WDR75: variants seen among roughly 807,000 people sequenced by gnomAD.
WDR75 encodes WD repeat-containing protein 75.
Under a neutral mutation model 106.1 loss-of-function variants are expected in WDR75, and 52 were observed. The observed-to-expected ratio is 0.49, with a 90% CI of 0.39 to 0.62. The LOEUF is 0.62. Among genes scored for constraint, WDR75 ranks in the 20% least tolerant of loss-of-function variants. The pLI is 0.00. For missense variants in WDR75, 905 were observed against 970.3 expected (o/e 0.93, Z 0.89); for synonymous variants, 333 against 335.5 (o/e 0.99, Z 0.08).
intron 8 of WDR75, among the ~76,000 whole-genome samples, chr2:189,460,171 A>G (rs1686846993): frequency 6.6e-6 from 1 of 152,312 alleles, no homozygotes; most frequent in Admixed American, 6.5e-5. Context: ...TCTTTAAGAA[A>G]GTTACTACAT....
intron 9 of WDR75, among the ~76,000 whole-genome samples, chr2:189,463,284 A>T (rs1021531469): frequency 6.6e-6 from 1 of 152,034 alleles, no homozygotes; most frequent in South Asian, 2.1e-4. Flanking sequence ...AAACTTAAAG[A>T]CTCCAACAGA....
intron 1 of WDR75, among the ~76,000 whole-genome samples, chr2:189,444,151 A>T (rs1686445518): frequency 6.6e-6 from 1 of 152,140 alleles, no homozygotes; most frequent in African/African-American, 2.4e-5. Flanking sequence ...TATCTAACAA[A>T]TGACAGGATT....
chr2:189,469,375 T>G lies in WDR75; in HGVS notation c.1755T>G (p.Val585=). 6.2e-7 allele frequency: 1 copy of G among 1,613,584 alleles called. No individual in the cohort carries two copies. The highest frequency in any genetic ancestry group is 1.1e-5 in the South Asian group (1 of 91,064). ...LEWNAKLNVR[V]MEPDPNSENI... is the part of the protein sequence containing the mutation. ...GGAATGCAAAATTAAATGTTAGAGTTATGGAACCCGATCCTAATTCAGAGA... is the reference window on the plus strand; with the variant it reads ...GGAATGCAAAATTAAATGTTAGAGTGATGGAACCCGATCCTAATTCAGAGA... Residue 585 remains valine, a synonymous_variant, in exon 16 of 21, where the codon GTT becomes GTG. Transcript: ENST00000314761.
intron 1 of WDR75, among the ~76,000 whole-genome samples, chr2:189,446,675 A>G (rs1368208307): frequency 2.0e-5 from 3 of 152,234 alleles, no homozygotes; most frequent in Non-Finnish European, 2.9e-5. Flanking sequence ...CCTTGTCCAC[A>G]GAGGATATGT....
In WDR75 at chr2:189,458,857, G is replaced by A; in HGVS notation, c.674G>A (p.Gly225Asp). 2 of 1,600,636 alleles carry A rather than the reference G, an allele frequency of 1.2e-6. No individual in the cohort carries two copies. The highest frequency in any genetic ancestry group is 1.1e-5 in the South Asian group (1 of 87,826). ...TGCATCGCATCTGGTCACATGGATG[G>A]CAAAATTCGTCTTTGGTCAGTTTGC... The part of the protein sequence containing the change: ...EDCIASGHMD[G>D]KIRLWRNFYD... The change falls in exon 7 of 21, where the codon GGC becomes GAC. Residue 225 changes from glycine to aspartate, a missense_variant. Gly to Asp is a moderately conservative substitution (Grantham distance 94). Transcript: ENST00000314761.
At chr2:189,456,570 C>T (rs1214776677) in intron 5 of WDR75, among the ~76,000 whole-genome samples, 3 of 151,718 alleles carry the variant, frequency 2.0e-5, no homozygotes, top group East Asian at 1.9e-4. Context: ...ATTCTACAAC[C>T]GGCAGAGAAA....
In WDR75 at chr2:189,448,389, T is replaced by G. The variant is rs1315862238; in HGVS notation, c.97T>G (p.Cys33Gly). Residue 33 changes from cysteine (C) to glycine (G), a missense_variant, in exon 2 of 21, where the codon TGT (cysteine) becomes GGT (glycine). Coordinates refer to ENST00000314761, the MANE Select transcript of WDR75 (RefSeq NM_032168.3). Reference protein sequence around the residue: ...VFSADSKYIFCVSGDFVKVYS... With the variant: ...VFSADSKYIFGVSGDFVKVYS... ...TTCTTTTTTTTCCAGGTATATCTTC[T>G]GTGTCTCTGGAGACTTTGTTAAAGT... 1 of 1,613,230 alleles carries G rather than the reference T, an allele frequency of 6.2e-7. No individual in the cohort carries two copies. Among genetic ancestry groups the G allele is most frequent in the Admixed American group, 1.7e-5 (1 of 59,922 alleles).
At chr2:189,471,994 G>A (rs114728125) in intron 18 of WDR75, among the ~76,000 whole-genome samples, 2,967 of 152,120 alleles carry the variant, frequency 0.02, 97 homozygotes, top group African/African-American at 0.068. Flanking sequence ...TACCATTCTT[G>A]TTCTTGTTCC....
At chr2:189,470,545 A>G (rs891285446) in intron 17 of WDR75, among the ~76,000 whole-genome samples, 15 of 149,946 alleles carry the variant, frequency 1.0e-4, no homozygotes, top group Non-Finnish European at 2.1e-4. Flanking sequence ...TTTTTTTTTC[A>G]GTGTTTGATT....
intron 8 of WDR75, among the ~76,000 whole-genome samples, chr2:189,461,845 G>A (rs928076745): frequency 2.0e-5 from 3 of 152,152 alleles, no homozygotes; most frequent in Non-Finnish European, 2.9e-5. Flanking sequence ...TTAGTGTGGT[G>A]TTTGCTATAG....
At chr2:189,465,351 A>C in intron 12 of WDR75, 97 bp downstream of exon 12, 1 of 1,315,548 alleles carries the variant, frequency 7.6e-7, no homozygotes, top group South Asian at 1.7e-5. Context: ...CATCTTGACA[A>C]GGTTTAGATT....
intron 12 of WDR75, 114 bp downstream of exon 12, chr2:189,465,368 T>TA (rs1298231075): frequency 8.7e-7 from 1 of 1,145,878 alleles, no homozygotes; most frequent in African/African-American, 1.6e-5. Context: ...GATTTAGAGA[T>TA]ATGGGAGAGG....
chr2:189,448,007 C>T (rs771951601), intron 1 of WDR75, among the ~76,000 whole-genome samples: 1 of 152,138 alleles, frequency 6.6e-6, no homozygotes, highest in Non-Finnish European at 1.5e-5. Context: ...ATAAGTCTCA[C>T]GAGAGCTGAT....
chr2:189,450,742 G>A, intron 2 of WDR75, 161 bp from the exon 3 acceptor site: 1 of 1,419,720 alleles, frequency 7.0e-7, no homozygotes. Flanking sequence ...GCTGTGAAAA[G>A]ATTGTTTTGC....
chr2:189,457,216 G>C (rs1686756795), intron 5 of WDR75, 95 bp from the exon 6 acceptor site: 1 of 814,898 alleles, frequency 1.2e-6, no homozygotes, highest in Admixed American at 2.6e-5. Flanking sequence ...ATTCCAGCCT[G>C]GGGGACAAGA....
chr2:189,448,516 A>G lies in WDR75; in HGVS notation c.216+8A>G. 1 of 1,613,388 alleles carries G rather than the reference A, an allele frequency of 6.2e-7. No individual in the cohort carries two copies. Among genetic ancestry groups the G allele is most frequent in the Non-Finnish European group, 8.5e-7 (1 of 1,179,638 alleles). ...CCCAACAACCATCTACAGGTGTCAA[A>G]CAGTTTATAGCTGAATACTTTAAGA... is the stretch of plus-strand genomic sequence containing the variant. On this transcript the variant is annotated splice_region_variant and intron_variant, in intron 2 of 20. Coordinates refer to ENST00000314761, the MANE Select transcript of WDR75 (RefSeq NM_032168.3).
chr2:189,455,543 TG>T (rs1226448504), intron 5 of WDR75, 99 bp downstream of exon 5: 5 of 1,416,174 alleles, frequency 3.5e-6, no homozygotes, highest in South Asian at 2.8e-5. Context: ...TATATTCCCT[TG>T]AATTACTATA....
rs901298519 is a variant in WDR75 at position 189,451,395 on chromosome 2, G to GA, written c.283-402dup. ...CATAAATTTAGCCAAATTGTAGATT[G>GA]AAAAAAAATCTAGTGATAGGTAAAG... On this transcript the variant is annotated intron_variant, in intron 3 of 20. Transcript: ENST00000314761. 3.3e-5 allele frequency among the ~76,000 whole-genome samples: 5 copies of GA among 152,058 alleles called. No homozygotes were observed. In the South Asian group the frequency reaches 8.3e-4, roughly 25 times the overall value.
intron 14 of WDR75, 42 bp from the exon 15 acceptor site, chr2:189,468,433 C>G (rs1441598427): frequency 6.3e-7 from 1 of 1,590,940 alleles, no homozygotes; most frequent in Admixed American, 1.7e-5. Context: ...ACTGAATTTG[C>G]TAGAACTGAC....
Sources: allele counts gnomAD v4.1 joint callset (sites outside exome capture counted in the v4.1 genomes callset), GRCh38; gene constraint gnomAD v4.1.1; transcripts MANE v1.5; gene names NCBI Gene and HGNC (gene_info 2026-07-23, HGNC 2026-07-21).